SNTG1: variants seen among roughly 807,000 people sequenced by gnomAD.
The protein encoded by SNTG1 is syntrophin gamma 1, also known as gamma-1-syntrophin.
A neutral mutation model predicts 74.7 loss-of-function variants in SNTG1; 39 were observed. The ratio of observed to expected loss-of-function variants is 0.52; its 90% CI spans 0.40 to 0.68. SNTG1 has a LOEUF of 0.68. Ranked by LOEUF, SNTG1 falls within the 30% of genes least tolerant of loss-of-function variation. SNTG1 has a pLI of 0.00. For synonymous variants in SNTG1, 254 were observed against 217.1 expected, an observed-to-expected ratio of 1.17 and a Z score of -1.49; for missense variants, 685 against 609.5, an observed-to-expected ratio of 1.12 and a Z score of -1.30.
chr8:50,621,931 G>A (rs75663557), intron 13 of SNTG1, among the ~76,000 whole-genome samples: 6,544 of 152,226 alleles, frequency 0.043, 244 homozygotes, highest in African/African-American at 0.094. Context: ...GATGCTTTCT[G>A]TCTTCTTTCC....
At chr8:50,605,874 A>G (rs1202300268) in intron 13 of SNTG1, among the ~76,000 whole-genome samples, 1 of 152,174 alleles carries the variant, frequency 6.6e-6, no homozygotes, top group Non-Finnish European at 1.5e-5. Flanking sequence ...AATAAAATAA[A>G]AACATCTGTC....
chr8:50,790,611 G>C (rs1164621591), intron 18 of SNTG1, among the ~76,000 whole-genome samples: 8 of 151,814 alleles, frequency 5.3e-5, no homozygotes, highest in Admixed American at 1.3e-4. Context: ...TGGTTGCCAA[G>C]GCTGATCACT....
Position 50,708,947 on chromosome 8 carries a change from C to A in SNTG1, c.1253C>A (p.Thr418Lys). 1.2e-6 allele frequency: 2 copies of A among 1,613,736 alleles called. No homozygotes were observed. Among genetic ancestry groups the A allele is most frequent in the Non-Finnish European group, 1.7e-6 (2 of 1,179,846 alleles). The change falls in exon 17 of 19, where the codon ACA becomes AAA. Residue 418 changes from threonine to lysine, a missense_variant. Thr to Lys is a moderately conservative substitution (Grantham distance 78, BLOSUM62 -1). Coordinates refer to ENST00000642720, the MANE Select transcript of SNTG1 (RefSeq NM_018967.5). Reference sequence around the variant, plus strand: ...ATGGGACTCACAATTGATTTCAGCACAGGATTTATCTGCTTTGATGCTGCA... The same window carrying A: ...ATGGGACTCACAATTGATTTCAGCAAAGGATTTATCTGCTTTGATGCTGCA... Reference protein sequence around the residue: ...HLMGLTIDFSTGFICFDAATK... With the variant: ...HLMGLTIDFSKGFICFDAATK...
At chr8:50,618,939 G>A (rs1195468824) in intron 13 of SNTG1, among the ~76,000 whole-genome samples, 4 of 152,004 alleles carry the variant, frequency 2.6e-5, no homozygotes, top group Admixed American at 6.6e-5. Context: ...GTGTGTGTGT[G>A]TAATTAAATG....
At chr8:50,304,917 T>C (rs1262779676) in intron 2 of SNTG1, among the ~76,000 whole-genome samples, 1 of 152,190 alleles carries the variant, frequency 6.6e-6, no homozygotes, top group East Asian at 1.9e-4. Context: ...CTTTTGTTTT[T>C]GAGATGGAGA....
chr8:50,359,175 G>A (rs1240068380), intron 2 of SNTG1, among the ~76,000 whole-genome samples: 3 of 152,126 alleles, frequency 2.0e-5, no homozygotes, highest in Non-Finnish European at 4.4e-5. Context: ...TCCCAAAATA[G>A]GCATGCCATT....
chr8:50,187,206 C>A (rs1001667812), intron 2 of SNTG1, among the ~76,000 whole-genome samples: 6 of 152,000 alleles, frequency 3.9e-5, no homozygotes, highest in Non-Finnish European at 5.9e-5. Flanking sequence ...ATCATATAGC[C>A]AAGACAATCC....
At chr8:50,209,848 A>C (rs2131899279) in intron 2 of SNTG1, among the ~76,000 whole-genome samples, 1 of 152,360 alleles carries the variant, frequency 6.6e-6, no homozygotes, top group East Asian at 1.9e-4. Context: ...CCTCACCAGC[A>C]ACGGAACAAA....
At chr8:50,304,639 A>G (rs1332188447) in intron 2 of SNTG1, among the ~76,000 whole-genome samples, 1 of 152,174 alleles carries the variant, frequency 6.6e-6, no homozygotes, top group African/African-American at 2.4e-5. Context: ...AAAAAAAAGT[A>G]TTTAAAAAAA....
At chr8:50,513,815 C>A (rs2094107957) in intron 9 of SNTG1, among the ~76,000 whole-genome samples, 1 of 152,230 alleles carries the variant, frequency 6.6e-6, no homozygotes, top group Admixed American at 6.5e-5. Context: ...CTATCTGTCA[C>A]CCCTTTCTTT....
chr8:50,060,814 T>G (rs925065387), intron 1 of SNTG1, among the ~76,000 whole-genome samples: 1 of 152,154 alleles, frequency 6.6e-6, no homozygotes, highest in Non-Finnish European at 1.5e-5. Context: ...TGTCAGTTTA[T>G]CTGATCATAT....
At chr8:50,761,832 A>G (rs2095599835) in intron 18 of SNTG1, among the ~76,000 whole-genome samples, 1 of 151,994 alleles carries the variant, frequency 6.6e-6, no homozygotes, top group Admixed American at 6.6e-5. Context: ...GAATTCAAGA[A>G]TGAAGTTTAA....
chr8:50,238,670 A>C (rs1280697288), intron 2 of SNTG1, among the ~76,000 whole-genome samples: 1 of 152,210 alleles, frequency 6.6e-6, no homozygotes, highest in Non-Finnish European at 1.5e-5. Flanking sequence ...AGAGCTTTGC[A>C]CAGCTAATGA....
intron 1 of SNTG1, among the ~76,000 whole-genome samples, chr8:49,963,352 A>C (rs1298209023): frequency 6.6e-6 from 1 of 152,140 alleles, no homozygotes; most frequent in Non-Finnish European, 1.5e-5. Flanking sequence ...ACATTGCCCA[A>C]CTGTGATCTT....
At chr8:50,643,609 A>G (rs13255431) in intron 13 of SNTG1, among the ~76,000 whole-genome samples, 34,149 of 152,208 alleles carry the variant, frequency 0.22, 4,442 homozygotes, top group African/African-American at 0.34. Flanking sequence ...AGTTCATTTT[A>G]TAACTTCTTT....
At chr8:50,376,756 T>TATATATATATAGAGAGAGAGAGAGAG (rs1381048539) in intron 2 of SNTG1, among the ~76,000 whole-genome samples, 5 of 89,986 alleles carry the variant, frequency 5.6e-5, no homozygotes, top group Non-Finnish European at 9.0e-5. Context: ...TATATATATA[T>TATATATATATAGAGAGAGAGAGAGAG]AGAGAGAGAG....
intron 1 of SNTG1, among the ~76,000 whole-genome samples, chr8:50,028,373 T>C (rs2130733740): frequency 6.6e-6 from 1 of 152,268 alleles, no homozygotes; most frequent in Non-Finnish European, 1.5e-5. Context: ...TTCCCAAATA[T>C]ATTAGTTTAC....
At chr8:50,604,104 G>T (rs942940826) in intron 13 of SNTG1, among the ~76,000 whole-genome samples, 5 of 152,140 alleles carry the variant, frequency 3.3e-5, no homozygotes, top group African/African-American at 1.2e-4. Flanking sequence ...GTTTTCTAGG[G>T]GCCAGGGACT....
intron 2 of SNTG1, among the ~76,000 whole-genome samples, chr8:50,262,254 A>T (rs1388241847): frequency 1.3e-5 from 2 of 152,226 alleles, no homozygotes; most frequent in Non-Finnish European, 2.9e-5. Context: ...AAAAGAAGAA[A>T]GATCAAATCA....
Sources: gnomAD v4.1 joint callset for allele counts (sites outside exome capture counted in the v4.1 genomes callset) on GRCh38, gnomAD v4.1.1 for gene constraint, MANE v1.5 for transcripts, NCBI Gene and HGNC (gene_info 2026-07-23, HGNC 2026-07-21) for gene names.